The following TMTC2 variants were observed in gnomAD, a reference collection of about 807,000 sequenced individuals.
TMTC2 encodes the protein protein O-mannosyl-transferase TMTC2.
Under a neutral mutation model 82.4 loss-of-function variants are expected in TMTC2, and 43 were observed. That is an observed-to-expected ratio of 0.52 (90% CI 0.41 to 0.67). The LOEUF (loss-of-function observed/expected upper bound fraction) is 0.67. Among genes scored for constraint, TMTC2 ranks in the 30% least tolerant of loss-of-function variants. The pLI is 0.00. For synonymous variants in TMTC2, 408 were observed against 381.9 expected (o/e 1.07, Z -0.80); for missense variants, 919 against 1,012.4 (o/e 0.91, Z 1.25).
chr12:82,707,836 C>G (rs1298360756), intron 1 of TMTC2, among the ~76,000 whole-genome samples: 1 of 152,198 alleles, frequency 6.6e-6, no homozygotes, highest in East Asian at 1.9e-4. Context: ...CTCTTCTGTT[C>G]TACTCTCATG....
chr12:82,978,627 A>G (rs576252752), intron 7 of TMTC2, among the ~76,000 whole-genome samples: 3 of 151,792 alleles, frequency 2.0e-5, no homozygotes, highest in Non-Finnish European at 3.0e-5. Context: ...ATTCTTGAAA[A>G]TGATCCATGT....
chr12:82,749,808 G>C (rs1565733699), intron 1 of TMTC2, among the ~76,000 whole-genome samples: 1 of 143,860 alleles, frequency 7.0e-6, no homozygotes, highest in Non-Finnish European at 1.5e-5. Flanking sequence ...TGCCATCTCA[G>C]CTCACTGCAA....
At chr12:82,808,932 C>A (rs1879365469) in intron 1 of TMTC2, among the ~76,000 whole-genome samples, 1 of 151,466 alleles carries the variant, frequency 6.6e-6, no homozygotes, top group Non-Finnish European at 1.5e-5. Context: ...CTTATATAAT[C>A]TCTTTTTCCA....
At chr12:82,800,251 A>G (rs10862510) in intron 1 of TMTC2, among the ~76,000 whole-genome samples, 38,544 of 152,002 alleles carry the variant, frequency 0.25, 5,033 homozygotes, top group Middle Eastern at 0.4. Flanking sequence ...ATATGAAATG[A>G]CAGCCAACAA....
At chr12:83,047,656 T>C (rs1489761957) in intron 9 of TMTC2, among the ~76,000 whole-genome samples, 1 of 152,212 alleles carries the variant, frequency 6.6e-6, no homozygotes, top group Non-Finnish European at 1.5e-5. Context: ...AATATTAATA[T>C]GGTGAATGAA....
At chr12:82,773,247 C>A (rs1877402110) in intron 1 of TMTC2, among the ~76,000 whole-genome samples, 2 of 152,144 alleles carry the variant, frequency 1.3e-5, no homozygotes, top group South Asian at 4.1e-4. Flanking sequence ...AGTCTTGTTT[C>A]AAATTGTATA....
intron 1 of TMTC2, among the ~76,000 whole-genome samples, chr12:82,818,699 T>C (rs1329141365): frequency 6.6e-6 from 1 of 152,168 alleles, no homozygotes. Flanking sequence ...GTTAAATAGT[T>C]TTGTAGCATT....
intron 1 of TMTC2, among the ~76,000 whole-genome samples, chr12:82,820,731 A>G (rs929949901): frequency 6.6e-6 from 1 of 152,244 alleles, no homozygotes; most frequent in African/African-American, 2.4e-5. Context: ...ATTAACTTTT[A>G]CAAACATACT....
In TMTC2 at chr12:82,896,370, A is replaced by G; in HGVS notation, c.1207A>G (p.Ile403Val). ...IVVLSLSLLI[I>V]PFVPATNLFF... ...TGTTCTGTCTTTATCTTTGTTAATC[A>G]TACCCTTTGTTCCTGCCACGAACCT... The change falls in exon 3 of 12, where the codon ATA (isoleucine) becomes GTA (valine). Residue 403 changes from isoleucine (I) to valine (V), a missense_variant. By Grantham distance (29) the Ile-to-Val change is conservative (BLOSUM62 3). Transcript: ENST00000321196. 6.2e-7 allele frequency: 1 copy of G among 1,614,140 alleles called. No homozygotes were observed. The highest frequency in any genetic ancestry group is 8.5e-7 in the Non-Finnish European group (1 of 1,180,034).
At chr12:82,963,947 A>C (rs1024936663) in intron 4 of TMTC2, among the ~76,000 whole-genome samples, 3 of 150,006 alleles carry the variant, frequency 2.0e-5, no homozygotes, top group African/African-American at 7.3e-5. Context: ...CTTTTGACAC[A>C]AGTGAGCATT....
At chr12:82,947,993 A>G (rs1332620501) in intron 4 of TMTC2, among the ~76,000 whole-genome samples, 1 of 152,114 alleles carries the variant, frequency 6.6e-6, no homozygotes, top group Non-Finnish European at 1.5e-5. Flanking sequence ...ATTGCTCCTC[A>G]TTCTCTATGA....
intron 11 of TMTC2, among the ~76,000 whole-genome samples, chr12:83,100,483 A>C (rs1248191665): frequency 6.6e-6 from 1 of 152,202 alleles, no homozygotes; most frequent in Non-Finnish European, 1.5e-5. Context: ...AAAATGGTAA[A>C]GTGAGGATTA....
chr12:82,967,586 G>A (rs1305411358), intron 7 of TMTC2, among the ~76,000 whole-genome samples: 1 of 151,992 alleles, frequency 6.6e-6, no homozygotes, highest in East Asian at 1.9e-4. Context: ...ATCTGTGATT[G>A]ATCCTTGTCT....
At chr12:82,771,096 A>G (rs1199762533) in intron 1 of TMTC2, among the ~76,000 whole-genome samples, 2 of 151,778 alleles carry the variant, frequency 1.3e-5, no homozygotes, top group Non-Finnish European at 2.9e-5. Flanking sequence ...AATGCCAGCT[A>G]CTCAGGAGGC....
At position 83,095,396 on chromosome 12, in the gene TMTC2, A is replaced by C. The variant is rs531835762; in HGVS notation, c.2331+33565A>C. Among the ~76,000 whole-genome samples, 3 of 152,090 alleles carry C rather than the reference A, an allele frequency of 2.0e-5. No individual in the cohort carries two copies. In the South Asian group the frequency reaches 6.2e-4, roughly 32 times the overall value. On this transcript the variant is annotated intron_variant, in intron 11 of 11. Coordinates refer to ENST00000321196, the MANE Select transcript of TMTC2 (RefSeq NM_152588.3). ...GCTGGGACTACAGGTGCCCGCCACC[A>C]TGCCCAGCTAATTTTTTGTATTTTT...
chr12:83,090,873 A>G (rs1386318578), intron 11 of TMTC2, among the ~76,000 whole-genome samples: 3 of 152,228 alleles, frequency 2.0e-5, no homozygotes, highest in Non-Finnish European at 4.4e-5. Flanking sequence ...ATCCAGCCAT[A>G]TCAGGCATAA....
intron 7 of TMTC2, among the ~76,000 whole-genome samples, chr12:82,977,381 C>T (rs1878720731): frequency 6.6e-6 from 1 of 151,104 alleles, no homozygotes; most frequent in African/African-American, 2.4e-5. Context: ...GATATTGTAC[C>T]CATGAGAAAA....
At chr12:83,097,408 C>A (rs537770863) in intron 11 of TMTC2, among the ~76,000 whole-genome samples, 1 of 152,274 alleles carries the variant, frequency 6.6e-6, no homozygotes, top group African/African-American at 2.4e-5. Flanking sequence ...TAACTCTTTG[C>A]TCCCGGCTTT....
chr12:82,991,904 T>G (rs1243571651), intron 8 of TMTC2, among the ~76,000 whole-genome samples: 3 of 152,220 alleles, frequency 2.0e-5, no homozygotes, highest in Admixed American at 1.3e-4. Context: ...AGCCAAATAT[T>G]TTTCAGTTTT....
Sources: gnomAD v4.1 joint callset for allele counts (sites outside exome capture counted in the v4.1 genomes callset) on GRCh38, gnomAD v4.1.1 for gene constraint, MANE v1.5 for transcripts, NCBI Gene and HGNC (gene_info 2026-07-23, HGNC 2026-07-21) for gene names.